Variants in GTPBP1 observed in about 807,000 individuals in gnomAD.
The protein encoded by GTPBP1 is GTP-binding protein 1.
Under a neutral mutation model 62.0 loss-of-function variants are expected in GTPBP1, and 23 were observed. The observed-to-expected ratio is 0.37, with a 90% CI of 0.27 to 0.53. GTPBP1 has a LOEUF of 0.53. GTPBP1 is among the 20% of genes least tolerant of loss of function. GTPBP1 has a pLI of 0.89. For synonymous variants in GTPBP1, 344 were observed against 364.4 expected (o/e 0.94, Z 0.64); for missense variants, 640 against 917.3 (o/e 0.70, Z 3.90).
chr22:38,736,433 G>T, downstream of GTPBP1: 1 of 1,461,036 alleles, frequency 6.8e-7, no homozygotes, highest in South Asian at 1.3e-5. Context: ...AGGCCTCACT[G>T]ACAGAGAAGG....
chr22:38,739,418 G>C, downstream of GTPBP1: 1 of 1,613,026 alleles, frequency 6.2e-7, no homozygotes, highest in Admixed American at 1.7e-5. The surrounding 1 kb of genome is among the most constrained non-coding windows in gnomAD (Gnocchi z 6.7). Flanking sequence ...TCACGATGTG[G>C]TGCACCTGCT....
chr22:38,711,050 G>C (rs111880190), intron 2 of GTPBP1, among the ~76,000 whole-genome samples: 11 of 152,252 alleles, frequency 7.2e-5, no homozygotes, highest in African/African-American at 2.4e-4. Context: ...CAAATAGAAA[G>C]AGATCATAAC....
chr22:38,712,169 C>T (rs2092644038), intron 2 of GTPBP1, among the ~76,000 whole-genome samples: 1 of 152,120 alleles, frequency 6.6e-6, no homozygotes, highest in Admixed American at 6.5e-5. Context: ...GCCACCGTGC[C>T]CGGCCAAGGA....
chr22:38,740,071 T>C (rs2145952507), downstream of GTPBP1: 3 of 1,261,404 alleles, frequency 2.4e-6, no homozygotes, highest in South Asian at 1.4e-5. This position sits in a 1 kb window ranked among gnomAD's most constrained non-coding sequence, Gnocchi z 4.8. Context: ...GAAAGAGTTA[T>C]GAACACTCCA....
chr22:38,708,512 A>G (rs1231107429), intron 1 of GTPBP1, among the ~76,000 whole-genome samples: 4 of 152,210 alleles, frequency 2.6e-5, no homozygotes, highest in African/African-American at 9.7e-5. Context: ...ATGTAGATGG[A>G]AAGCACTGCG....
chr22:38,706,157 G>A lies in GTPBP1; in HGVS notation c.192+10G>A. ...GGACCTCACCAGCAAGGTAGGCCCG[G>A]GCGGCGGCGGCGGGCGCTGAGGGGA... On this transcript the variant is annotated intron_variant, in intron 1 of 11. Coordinates refer to ENST00000216044, the MANE Select transcript of GTPBP1 (RefSeq NM_004286.5). 8.3e-7 allele frequency: 1 copy of A among 1,202,934 alleles called. No individual in the cohort carries two copies. Among genetic ancestry groups the A allele is most frequent in the Non-Finnish European group, 1.0e-6 (1 of 961,458 alleles). The allele number at this position is 1,202,934 out of a possible 1,614,324, so 74.5% of individuals were successfully genotyped here.
At chr22:38,710,973 A>G (rs910369935) in intron 2 of GTPBP1, among the ~76,000 whole-genome samples, 59 of 152,184 alleles carry the variant, frequency 3.9e-4, no homozygotes, top group African/African-American at 1.4e-3. Flanking sequence ...ACACCCAAGC[A>G]TCATCCTCGA....
In GTPBP1 at chr22:38,706,060, C is replaced by T. The variant is rs911868759; in HGVS notation, c.105C>T (p.Ala35=). 1 of 1,363,478 alleles carries T rather than the reference C, an allele frequency of 7.3e-7. No individual in the cohort carries two copies. The highest frequency in any genetic ancestry group is 1.6e-5 in the South Asian group (1 of 62,026). 84.5% of individuals were successfully genotyped at this position (1,363,478 alleles called of 1,614,324 possible). A position where few individuals can be genotyped will look rare whatever the true frequency, so the allele number is the denominator to read the frequency against. ...GGGCGGCCAGGGCCGCGGCGGCCGCCGCCCGACTCCACGGCGGCTTTGACT... is the reference window on the plus strand; with the variant it reads ...GGGCGGCCAGGGCCGCGGCGGCCGCTGCCCGACTCCACGGCGGCTTTGACT... The part of the protein sequence containing the change: ...SPGAARAAAA[A]ARLHGGFDSD... Residue 35 remains alanine (A), a synonymous_variant, in exon 1 of 12, where the codon GCC becomes GCT. Transcript: ENST00000216044.
intron 5 of GTPBP1, chr22:38,722,731 C>T (rs996241560): frequency 5.6e-6 from 9 of 1,602,436 alleles, no homozygotes; most frequent in African/African-American, 1.3e-5. Flanking sequence ...TGCAGATACA[C>T]ATGGGTGATC....
Position 38,721,920 on chromosome 22 carries a change from G to T in GTPBP1, c.958+55G>T, listed in dbSNP as rs1417786462. The T allele has an allele frequency of 2.2e-6, 3 of 1,381,906 alleles. No individual in the cohort carries two copies. The African/African-American group carries it at 4.3e-5, about 20-fold the overall frequency. The allele number at this position is 1,381,906 out of a possible 1,614,324, so 85.6% of individuals were successfully genotyped here. Reference sequence around the variant, plus strand: ...CCTCTGATTGGGGCTGTCACCTGCTGTGCCTTCAGGTGGTCTGCTACCACG... The same window carrying T: ...CCTCTGATTGGGGCTGTCACCTGCTTTGCCTTCAGGTGGTCTGCTACCACG... On this transcript the variant is annotated intron_variant, in intron 5 of 11. Transcript: ENST00000216044.
chr22:38,724,525 A>G (rs1008265997), intron 6 of GTPBP1, 114 bp downstream of exon 6: 2 of 658,596 alleles, frequency 3.0e-6, no homozygotes, highest in Non-Finnish European at 5.6e-6. Context: ...AAAACACCAC[A>G]TCAACACCTC....
chr22:38,726,458 T>C lies in GTPBP1; in HGVS notation c.1401+18T>C, dbSNP rs773966929. The C allele has an allele frequency of 2.3e-5, 37 of 1,605,234 alleles. No homozygotes were observed. The highest frequency in any genetic ancestry group is 4.3e-6 in the Non-Finnish European group (5 of 1,173,876). On this transcript the variant is annotated intron_variant, in intron 8 of 11. Transcript: ENST00000216044. The surrounding 1 kb of genome is among the most constrained non-coding windows in gnomAD (Gnocchi z 4.1). ...TGAAGAAGGTGAGTAGCGATGATAC[T>C]GAACGCTCCCCTCAGACTCCATCAT... is the stretch of plus-strand genomic sequence containing the variant.
Position 38,726,242 on chromosome 22 carries a change from G to T in GTPBP1, c.1219-16G>T. On this transcript the variant is annotated splice_polypyrimidine_tract_variant and intron_variant, in intron 7 of 11. Transcript: ENST00000216044. The surrounding 1 kb of genome is among the most constrained non-coding windows in gnomAD (Gnocchi z 4.1). ...CTGGGGATGCACTTATGAGGCCAGG[G>T]TCTTCTCCTTGGCAGGGTGTGGGGA... The T allele has an allele frequency of 6.2e-7, 1 of 1,613,762 alleles. No individual in the cohort carries two copies. The highest frequency in any genetic ancestry group is 1.1e-5 in the South Asian group (1 of 91,050).
chr22:38,723,170 G>A (rs1281358531), intron 5 of GTPBP1: 2 of 851,762 alleles, frequency 2.3e-6, no homozygotes, highest in Non-Finnish European at 4.1e-6. Flanking sequence ...AAAAGCAACA[G>A]TTTCTGTAGG....
chr22:38,711,800 G>A (rs374943927), intron 2 of GTPBP1, among the ~76,000 whole-genome samples: 3 of 151,994 alleles, frequency 2.0e-5, no homozygotes, highest in South Asian at 2.1e-4. Flanking sequence ...CTGAGATGGC[G>A]AGAGTGAGAC....
downstream of GTPBP1, chr22:38,734,324 T>G: frequency 2.1e-6 from 1 of 465,386 alleles, no homozygotes; most frequent in Non-Finnish European, 4.4e-6. Context: ...CCCTTCCCAG[T>G]CACAGGTCCA....
intron 5 of GTPBP1, 88 bp downstream of exon 5, chr22:38,721,953 C>A: frequency 2.3e-6 from 2 of 858,628 alleles, no homozygotes; most frequent in African/African-American, 1.7e-5. Context: ...ACGGCTTTAG[C>A]CCAGAAACTT....
At chr22:38,742,636 C>T, downstream of GTPBP1, 3 of 1,493,458 alleles carry the variant, frequency 2.0e-6, no homozygotes, top group Non-Finnish European at 2.7e-6. Flanking sequence ...ACACAGCCAA[C>T]ACAGAAAGAA....
Position 38,731,566 on chromosome 22 carries a change from G to A in GTPBP1, c.*862G>A, listed in dbSNP as rs897169496. On this transcript the variant is annotated 3_prime_UTR_variant, in exon 12 of 12. Coordinates refer to ENST00000216044, the MANE Select transcript of GTPBP1 (RefSeq NM_004286.5). ...GCCCTGGCTGCCCTCAGCTTTCGCTGATCTGCCCGGCCTGGAGCCTCCCAT... is the reference window on the plus strand; with the variant it reads ...GCCCTGGCTGCCCTCAGCTTTCGCTAATCTGCCCGGCCTGGAGCCTCCCAT... 2 of 152,800 alleles carry A rather than the reference G, an allele frequency of 1.3e-5. No individual in the cohort carries two copies. The highest frequency in any genetic ancestry group is 4.8e-5 in the African/African-American group (2 of 41,456). 9.5% of individuals were successfully genotyped at this position (152,800 alleles called of 1,614,324 possible).
Sources: allele counts gnomAD v4.1 joint callset (sites outside exome capture counted in the v4.1 genomes callset), GRCh38; gene constraint gnomAD v4.1.1; non-coding constraint Gnocchi (gnomAD v3.1); transcripts MANE v1.5; gene names NCBI Gene and HGNC (gene_info 2026-07-23, HGNC 2026-07-21).